The following GABRG3 variants were observed in gnomAD, a reference collection of about 807,000 sequenced individuals.
GABRG3 encodes the protein gamma-aminobutyric acid receptor subunit gamma-3.
A neutral mutation model predicts 48.8 loss-of-function variants in GABRG3; 25 were observed. That is an observed-to-expected ratio of 0.51 (90% CI 0.37 to 0.72). GABRG3 has a LOEUF of 0.72. GABRG3 is among the 30% of genes least tolerant of loss of function. The pLI is 0.00. For synonymous variants in GABRG3, 227 were observed against 217.6 expected (o/e 1.04, Z -0.38); for missense variants, 394 against 577.9 (o/e 0.68, Z 3.26).
intron 5 of GABRG3, among the ~76,000 whole-genome samples, chr15:27,388,240 G>A (rs1192092352): frequency 2.2e-5 from 1 of 44,972 alleles, no homozygotes; most frequent in Admixed American, 2.4e-4. Flanking sequence ...GGAGGAGGGA[G>A]GGAGGAAAGG....
At chr15:27,274,041 G>A (rs187864276) in intron 3 of GABRG3, among the ~76,000 whole-genome samples, 6 of 152,282 alleles carry the variant, frequency 3.9e-5, no homozygotes, top group East Asian at 3.9e-4. Flanking sequence ...GCTCCTTACC[G>A]TGTGGATCCT....
chr15:27,069,340 C>G (rs2889396), intron 3 of GABRG3, among the ~76,000 whole-genome samples: 31,851 of 152,108 alleles, frequency 0.21, 3,474 homozygotes, highest in Middle Eastern at 0.26. Context: ...GGCTACATCC[C>G]TCTAGGCACC....
intron 3 of GABRG3, among the ~76,000 whole-genome samples, chr15:27,095,484 C>T (rs1340790718): frequency 2.6e-5 from 3 of 117,516 alleles, no homozygotes; most frequent in Admixed American, 9.2e-5. Context: ...TAGATGCTGG[C>T]GAATGTGCTG....
intron 3 of GABRG3, among the ~76,000 whole-genome samples, chr15:27,043,065 G>GC (rs1185120418): frequency 1.3e-5 from 2 of 152,152 alleles, no homozygotes; most frequent in African/African-American, 4.8e-5. Context: ...AACCTAACTT[G>GC]CTCGTGCTCC....
chr15:27,146,107 G>A lies in GABRG3; in HGVS notation c.270+119286G>A, dbSNP rs181467589. On this transcript the variant is annotated intron_variant, in intron 3 of 9. Coordinates refer to ENST00000615808, the MANE Select transcript of GABRG3 (RefSeq NM_033223.5). ...AGACTTGCCTGCAAGAAATACTAAA[G>A]AGGGACTATAGGACTTAAATGAAAA... Among the ~76,000 whole-genome samples, 38 of 152,206 alleles carry A rather than the reference G, an allele frequency of 2.5e-4. 1 individual carries two copies. The highest frequency in any genetic ancestry group is 8.4e-4 in the African/African-American group (35 of 41,538).
chr15:27,434,121 G>A (rs1464347470), intron 5 of GABRG3, among the ~76,000 whole-genome samples: 2 of 152,150 alleles, frequency 1.3e-5, no homozygotes, highest in African/African-American at 4.8e-5. Flanking sequence ...CTTCACTAAA[G>A]CTTTTTAATA....
intron 3 of GABRG3, among the ~76,000 whole-genome samples, chr15:27,046,366 A>G (rs566132810): frequency 6.6e-6 from 1 of 152,282 alleles, no homozygotes; most frequent in Non-Finnish European, 1.5e-5. Flanking sequence ...GGTCTCCCAA[A>G]GTGCTGGGAT....
chr15:27,091,042 T>C (rs1056370523), intron 3 of GABRG3, among the ~76,000 whole-genome samples: 2 of 152,238 alleles, frequency 1.3e-5, no homozygotes, highest in African/African-American at 4.8e-5. Flanking sequence ...AGTAAAATGT[T>C]GCAAAAGAGG....
At chr15:26,987,920 A>G (rs1180159766) in intron 2 of GABRG3, among the ~76,000 whole-genome samples, 2 of 152,170 alleles carry the variant, frequency 1.3e-5, no homozygotes, top group Non-Finnish European at 2.9e-5. Flanking sequence ...TCTTTGACCA[A>G]TGTAGTATTT....
At chr15:27,323,806 G>A (rs777215077) in intron 3 of GABRG3, among the ~76,000 whole-genome samples, 4 of 152,056 alleles carry the variant, frequency 2.6e-5, no homozygotes, top group South Asian at 2.1e-4. Flanking sequence ...AGTCTGGACG[G>A]GCTCCTCTGA....
At position 27,527,579 on chromosome 15, in the gene GABRG3, AACT is replaced by A; in HGVS notation, c.1017_1019del (p.Tyr340del). 1 of 1,613,582 alleles carries A rather than the reference AACT, an allele frequency of 6.2e-7. No individual in the cohort carries two copies. The highest frequency in any genetic ancestry group is 8.5e-7 in the Non-Finnish European group (1 of 1,179,702). On this transcript the variant is annotated inframe_deletion, in exon 8 of 10. Transcript: ENST00000615808. ...CGCGCTGATGGAGTATGCCACCCTC[AACT>A]ACTATTCCAGCTGTAGAAAACCAAC...
chr15:27,164,139 G>T (rs756264605), intron 3 of GABRG3, among the ~76,000 whole-genome samples: 11 of 152,164 alleles, frequency 7.2e-5, no homozygotes, highest in Non-Finnish European at 1.6e-4. Context: ...AAAAGCTGAA[G>T]AATAGTATAA....
chr15:27,481,811 A>G (rs1890106671), intron 6 of GABRG3, among the ~76,000 whole-genome samples: 1 of 152,164 alleles, frequency 6.6e-6, no homozygotes, highest in Non-Finnish European at 1.5e-5. Flanking sequence ...ATTTAAATGA[A>G]CTGTGGAGGC....
In GABRG3 at chr15:27,128,022, A is replaced by G. The variant is rs574532195; in HGVS notation, c.270+101201A>G. On this transcript the variant is annotated intron_variant, in intron 3 of 9. Coordinates refer to ENST00000615808, the MANE Select transcript of GABRG3 (RefSeq NM_033223.5). Reference sequence around the variant, plus strand: ...TGACCTGGGTATGGAAGGCGATAAAATGGACACATCTCATGACATATAAAG... The same window carrying G: ...TGACCTGGGTATGGAAGGCGATAAAGTGGACACATCTCATGACATATAAAG... Among the ~76,000 whole-genome samples, 94 of 152,292 alleles carry G rather than the reference A, an allele frequency of 6.2e-4. 1 individual carries two copies. The highest frequency in any genetic ancestry group is 7.8e-4 in the Admixed American group (12 of 15,300).
intron 3 of GABRG3, among the ~76,000 whole-genome samples, chr15:27,068,428 A>G (rs1595504469): frequency 6.6e-6 from 1 of 152,230 alleles, no homozygotes; most frequent in African/African-American, 2.4e-5. Context: ...TATGCACTGT[A>G]AGAACTGGGC....
chr15:27,374,503 T>A (rs1256521261), intron 5 of GABRG3, among the ~76,000 whole-genome samples: 1 of 152,226 alleles, frequency 6.6e-6, no homozygotes, highest in African/African-American at 2.4e-5. Flanking sequence ...TTTTCAAGTT[T>A]GTTCTTGTTA....
At chr15:27,156,612 G>A (rs1032860824) in intron 3 of GABRG3, among the ~76,000 whole-genome samples, 2 of 152,106 alleles carry the variant, frequency 1.3e-5, no homozygotes, top group African/African-American at 4.8e-5. Context: ...GTTGCATTTA[G>A]CAAGAAAAGT....
intron 3 of GABRG3, among the ~76,000 whole-genome samples, chr15:27,215,822 T>C (rs886237212): frequency 7.1e-4 from 108 of 152,320 alleles, no homozygotes; most frequent in African/African-American, 2.6e-3. Context: ...GTCCCAGGGA[T>C]GGATTCGACT....
At chr15:27,063,060 TC>T (rs1236887531) in intron 3 of GABRG3, among the ~76,000 whole-genome samples, 7 of 152,216 alleles carry the variant, frequency 4.6e-5, no homozygotes, top group Non-Finnish European at 7.4e-5. Flanking sequence ...TGATGCGTTT[TC>T]CCCCCCAATG....
Sources: allele counts gnomAD v4.1 joint callset (sites outside exome capture counted in the v4.1 genomes callset), GRCh38; gene constraint gnomAD v4.1.1; transcripts MANE v1.5; gene names NCBI Gene and HGNC (gene_info 2026-07-23, HGNC 2026-07-21).